The following NPIPB8 variants were observed in gnomAD, a reference collection of about 807,000 sequenced individuals.
NPIPB8 encodes nuclear pore complex-interacting protein family member B8.
NPIPB8 carries 3 observed loss-of-function variants against 5.3 expected under a neutral mutation model. That is an observed-to-expected ratio of 0.57 (90% CI 0.26 to 1.47). The LOEUF is 1.47. Among genes scored for constraint, NPIPB8 ranks in the 40% most tolerant of loss-of-function variants. The pLI, the probability that NPIPB8 is intolerant of heterozygous loss-of-function variation, is 0.13. For synonymous variants in NPIPB8, 18 were observed against 23.0 expected, an observed-to-expected ratio of 0.78 and a Z score of 0.62; for missense variants, 50 against 50.2, an observed-to-expected ratio of 1.00 and a Z score of 0.01.
chr16:28,653,077 T>C (rs996555497), intron 5 of NPIPB8, among the ~76,000 whole-genome samples: 7 of 105,852 alleles, frequency 6.6e-5, no homozygotes, highest in African/African-American at 2.7e-4. Flanking sequence ...GGCCAATTTT[T>C]TTTTTTTTTT....
chr16:28,642,207 G>A (rs1161116334), intron 2 of NPIPB8, among the ~76,000 whole-genome samples: 2 of 150,802 alleles, frequency 1.3e-5, no homozygotes, highest in Non-Finnish European at 3.0e-5. Context: ...CCGGGCCCAA[G>A]GGATTGTCCT....
At chr16:28,643,711 GA>G (rs1194589200) in intron 2 of NPIPB8, among the ~76,000 whole-genome samples, 1 of 143,486 alleles carries the variant, frequency 7.0e-6, no homozygotes, top group Non-Finnish European at 1.5e-5. Flanking sequence ...GATACAGGTT[GA>G]TGGACGGATG....
In NPIPB8 at chr16:28,638,496, C is replaced by A. The variant is rs778137602; in HGVS notation, c.120+16C>A. On this transcript the variant is annotated intron_variant, in intron 2 of 7. Coordinates refer to ENST00000683297, the MANE Select transcript of NPIPB8 (RefSeq NM_001310136.2). ...CCTGAGGAAGGTGAGTGAGTGCAGA[C>A]AAGATGGGGCCTGGTGCCCTTGAGC... 6.7e-7 allele frequency: 1 copy of A among 1,488,774 alleles called. No homozygotes were observed. Among genetic ancestry groups the A allele is most frequent in the East Asian group, 2.3e-5 (1 of 43,764 alleles). 92.2% of individuals were successfully genotyped at this position (1,488,774 alleles called of 1,614,324 possible).
At chr16:28,642,029 C>G (rs931180316) in intron 2 of NPIPB8, among the ~76,000 whole-genome samples, 1 of 151,338 alleles carries the variant, frequency 6.6e-6, no homozygotes, top group Non-Finnish European at 1.5e-5. Flanking sequence ...CTGCCATTCA[C>G]TTTTGCTCTA....
chr16:28,652,362 A>T lies in NPIPB8; in HGVS notation c.597A>T (p.Lys199Asn). 3.8e-6 allele frequency: 1 copy of T among 262,616 alleles called. No homozygotes were observed. The highest frequency in any genetic ancestry group is 6.6e-6 in the Non-Finnish European group (1 of 152,224). 16.3% of individuals were successfully genotyped at this position (262,616 alleles called of 1,614,324 possible). A position where few individuals can be genotyped will look rare whatever the true frequency, so the allele number is the denominator to read the frequency against. Reference protein sequence around the residue: ...KINGKRKTARKQKMFQRAQEL... With the variant: ...KINGKRKTARNQKMFQRAQEL... Reference sequence around the variant, plus strand: ...ATGGAAAGAGGAAGACCGCCAGAAAACAGTAAGATGTGCCTTGACACAAAT... The same window carrying T: ...ATGGAAAGAGGAAGACCGCCAGAAATCAGTAAGATGTGCCTTGACACAAAT... The change falls in exon 5 of 8, where the codon AAA (lysine) becomes AAT (asparagine). Residue 199 changes from lysine to asparagine, a missense_variant and splice_region_variant. Physicochemically the swap from Lys to Asn is moderately conservative, Grantham distance 94 (BLOSUM62 0). Transcript: ENST00000683297.
At chr16:28,639,444 C>CACATATAT (rs1452819801) in intron 2 of NPIPB8, among the ~76,000 whole-genome samples, 1 of 116,988 alleles carries the variant, frequency 8.5e-6, no homozygotes, top group African/African-American at 3.8e-5. Flanking sequence ...CACACACACA[C>CACATATAT]ATATATATAT....
intron 2 of NPIPB8, 107 bp downstream of exon 2, chr16:28,638,587 C>G: frequency 7.1e-7 from 1 of 1,408,254 alleles, no homozygotes; most frequent in Non-Finnish European, 9.5e-7. Context: ...TACGCAGTCA[C>G]AGTACTGGCT....
At chr16:28,651,001 T>C in intron 3 of NPIPB8, among the ~76,000 whole-genome samples, 1 of 115,272 alleles carries the variant, frequency 8.7e-6, no homozygotes, top group Non-Finnish European at 1.6e-5. Flanking sequence ...TTTTTTTTTT[T>C]TTGAGACGGA....
In NPIPB8 at chr16:28,644,584, C is replaced by A. The variant is rs541190872; in HGVS notation, c.121-3551C>A. ...ACACCTCAGGGCGCCCTGAAAGGAC[C>A]AGGACATGCGGCTGCGCTTTTGGCT... On this transcript the variant is annotated intron_variant, in intron 2 of 7. Transcript: ENST00000683297. The A allele has an allele frequency of 3.9e-6, 6 of 1,536,260 alleles. No homozygotes were observed. In the African/African-American group the frequency reaches 6.2e-5, roughly 16 times the overall value.
Position 28,638,349 on chromosome 16 carries a change from C to T in NPIPB8, c.-12C>T. On this transcript the variant is annotated 5_prime_UTR_variant, in exon 2 of 8. Transcript: ENST00000683297. ...TTGGCACTCATCATGAGCCCCTGTT[C>T]TCATTCTGCAAATGGTGAAGCTCTC... 6.4e-7 allele frequency: 1 copy of T among 1,566,256 alleles called. No individual in the cohort carries two copies. Among genetic ancestry groups the T allele is most frequent in the Non-Finnish European group, 8.6e-7 (1 of 1,163,500 alleles).
chr16:28,644,354 C>A (rs1400042095), intron 2 of NPIPB8, among the ~76,000 whole-genome samples: 1 of 112,668 alleles, frequency 8.9e-6, no homozygotes, highest in Admixed American at 8.9e-5. Context: ...TCTTCTTCTC[C>A]TCCTCCTCCT....
intron 2 of NPIPB8, among the ~76,000 whole-genome samples, chr16:28,640,019 C>A (rs530372113): frequency 1.3e-3 from 193 of 151,530 alleles, no homozygotes; most frequent in South Asian, 9.0e-3. Flanking sequence ...TCATTTAATT[C>A]TCTCTGCAAC....
At chr16:28,640,545 C>G (rs1486844202) in intron 2 of NPIPB8, among the ~76,000 whole-genome samples, 1 of 152,124 alleles carries the variant, frequency 6.6e-6, no homozygotes. Context: ...TCAAGTGGCC[C>G]AGGAGAGAAC....
chr16:28,651,288 T>A (rs2048038370), intron 3 of NPIPB8, among the ~76,000 whole-genome samples: 1 of 46,402 alleles, frequency 2.2e-5, no homozygotes, highest in African/African-American at 1.5e-4. Context: ...TGGGCTATTT[T>A]TTTTTTTTTT....
At chr16:28,641,478 G>A (rs936233180) in intron 2 of NPIPB8, among the ~76,000 whole-genome samples, 2 of 142,582 alleles carry the variant, frequency 1.4e-5, no homozygotes, top group Admixed American at 7.0e-5. Context: ...GGACCCAGGA[G>A]TCCTACCACT....
intron 2 of NPIPB8, among the ~76,000 whole-genome samples, chr16:28,640,099 G>A (rs1329697490): frequency 6.6e-6 from 1 of 151,738 alleles, no homozygotes; most frequent in African/African-American, 2.4e-5. Context: ...TTAAGCCTGA[G>A]GTTACAGTCA....
chr16:28,651,604 T>TTGTGTG (rs533825986), intron 3 of NPIPB8, among the ~76,000 whole-genome samples: 156 of 39,036 alleles, frequency 4.0e-3, no homozygotes, highest in Non-Finnish European at 5.4e-3. Flanking sequence ...CATGTCATTC[T>TTGTGTG]TGTGTGTGTG....
intron 2 of NPIPB8, among the ~76,000 whole-genome samples, chr16:28,640,167 G>C (rs2047870012): frequency 6.6e-6 from 1 of 151,984 alleles, no homozygotes; most frequent in East Asian, 1.9e-4. Context: ...TTCATGTTCT[G>C]ACGGCAGGCT....
chr16:28,641,853 G>C (rs571243769), intron 2 of NPIPB8, among the ~76,000 whole-genome samples: 1 of 132,052 alleles, frequency 7.6e-6, no homozygotes, highest in Admixed American at 8.2e-5. Context: ...ATGAGGGACC[G>C]CCTGCAAGGG....
Sources: gnomAD v4.1 joint callset for allele counts (sites outside exome capture counted in the v4.1 genomes callset) on GRCh38, gnomAD v4.1.1 for gene constraint, MANE v1.5 for transcripts, NCBI Gene and HGNC (gene_info 2026-07-23, HGNC 2026-07-21) for gene names.